The following ATOSB variants were observed in gnomAD, a reference collection of about 807,000 sequenced individuals.
The protein encoded by ATOSB is atos homolog B.
At chr9:35,108,251 C>T in the ATOSB span, 42,645 of 1,563,436 alleles carry the variant, frequency 0.027, 727 homozygotes, top group Non-Finnish European at 0.032. Context: ...AGGATGGAGA[C>T]GGCTCCGCCT....
At chr9:35,108,053 C>G in the ATOSB span, 5 of 1,534,622 alleles carry the variant, frequency 3.3e-6, no homozygotes, top group Non-Finnish European at 4.4e-6. Context: ...CCCGGGGACC[C>G]TCAGTGGATG....
At chr9:35,106,630 T>C in the ATOSB span, 2 of 1,553,280 alleles carry the variant, frequency 1.3e-6, no homozygotes, top group Non-Finnish European at 1.7e-6. This position sits in a 1 kb window ranked among gnomAD's most constrained non-coding sequence, Gnocchi z 4.6. Flanking sequence ...TTCCGGAGGC[T>C]TCGAAGGGGG....
the ATOSB span, chr9:35,107,882 A>G: frequency 1.3e-6 from 2 of 1,593,884 alleles, no homozygotes; most frequent in Admixed American, 1.8e-5. Context: ...ATGAGGTGAC[A>G]CTACTTCTCT....
the ATOSB span, chr9:35,105,861 G>C: frequency 6.2e-7 from 1 of 1,614,114 alleles, no homozygotes; most frequent in Non-Finnish European, 8.5e-7. The surrounding 1 kb of genome is among the most constrained non-coding windows in gnomAD (Gnocchi z 5.5). Flanking sequence ...ATAAGGTCTA[G>C]GGACAGGACA....
the ATOSB span, among the ~76,000 whole-genome samples, chr9:35,114,780 T>C: frequency 1.3e-5 from 2 of 152,200 alleles, no homozygotes; most frequent in African/African-American, 4.8e-5. Flanking sequence ...GCCCTAGCGT[T>C]CCCTACCCAG....
chr9:35,106,056 C>T, the ATOSB span: 1 of 1,583,640 alleles, frequency 6.3e-7, no homozygotes, highest in Middle Eastern at 1.7e-4. This position sits in a 1 kb window ranked among gnomAD's most constrained non-coding sequence, Gnocchi z 4.6. Flanking sequence ...TAGGAAAACC[C>T]TGGGCCCTAA....
chr9:35,106,665 AG>A, the ATOSB span: 1 of 1,530,496 alleles, frequency 6.5e-7, no homozygotes, highest in Admixed American at 2.0e-5. This position sits in a 1 kb window ranked among gnomAD's most constrained non-coding sequence, Gnocchi z 4.6. Flanking sequence ...AGGGAAACAC[AG>A]GGGGTTGGCT....
At chr9:35,110,869 G>A in the ATOSB span, 4 of 152,222 alleles carry the variant, frequency 2.6e-5, no homozygotes, top group Non-Finnish European at 2.9e-5. Flanking sequence ...AGAGTGACAG[G>A]ATGAATTCCT....
At chr9:35,106,494 C>A in the ATOSB span, 10 of 1,602,678 alleles carry the variant, frequency 6.2e-6, no homozygotes, top group Middle Eastern at 6.6e-4. The surrounding 1 kb of genome is among the most constrained non-coding windows in gnomAD (Gnocchi z 4.6). Context: ...CACCATCCCA[C>A]CTCTCCCAGG....
At chr9:35,105,154 T>C in the ATOSB span, 4 of 1,515,612 alleles carry the variant, frequency 2.6e-6, no homozygotes, top group East Asian at 9.2e-5. This position sits in a 1 kb window ranked among gnomAD's most constrained non-coding sequence, Gnocchi z 5.5. Flanking sequence ...TGTCTCTCCA[T>C]ATATGTTCTC....
At chr9:35,107,564 G>A in the ATOSB span, 12 of 1,589,892 alleles carry the variant, frequency 7.5e-6, no homozygotes, top group South Asian at 1.0e-4. Flanking sequence ...TGGTGGGGCA[G>A]GGGCCTGGGG....
the ATOSB span, chr9:35,106,162 ATAAG>A: frequency 6.4e-7 from 1 of 1,563,958 alleles, no homozygotes; most frequent in Non-Finnish European, 8.7e-7. The surrounding 1 kb of genome is among the most constrained non-coding windows in gnomAD (Gnocchi z 4.6). Context: ...TAGGTGAGGA[ATAAG>A]TAAGAAATAC....
the ATOSB span, among the ~76,000 whole-genome samples, chr9:35,114,617 A>C: frequency 2.0e-5 from 3 of 152,026 alleles, no homozygotes; most frequent in Admixed American, 6.5e-5. Flanking sequence ...TAGTGCTTCC[A>C]AGCCTGGAGT....
the ATOSB span, chr9:35,107,726 C>A: frequency 6.3e-7 from 1 of 1,595,738 alleles, no homozygotes; most frequent in Admixed American, 1.8e-5. Flanking sequence ...CAAGTGTGTG[C>A]AGCTGGCCTG....
chr9:35,105,357 G>A, the ATOSB span: 2 of 1,612,442 alleles, frequency 1.2e-6, no homozygotes, highest in Non-Finnish European at 1.7e-6. This position sits in a 1 kb window ranked among gnomAD's most constrained non-coding sequence, Gnocchi z 5.5. Flanking sequence ...TAAGCGGCCT[G>A]AGCGGGAGCT....
the ATOSB span, chr9:35,108,195 GCCC>G: frequency 1.1e-5 from 18 of 1,596,624 alleles, no homozygotes; most frequent in Non-Finnish European, 1.5e-5. Flanking sequence ...ACCCTGGAGG[GCCC>G]CCTGCCTGAC....
the ATOSB span, chr9:35,106,065 A>G: frequency 6.4e-7 from 1 of 1,567,040 alleles, no homozygotes; most frequent in Non-Finnish European, 8.7e-7. The surrounding 1 kb of genome is among the most constrained non-coding windows in gnomAD (Gnocchi z 4.6). Flanking sequence ...CCTGGGCCCT[A>G]AACACATGTC....
chr9:35,110,475 C>T, the ATOSB span: 1 of 136,530 alleles, frequency 7.3e-6, no homozygotes, highest in African/African-American at 2.6e-5. Context: ...TCAGTTCCCA[C>T]CCTGTCAACA....
chr9:35,113,532 G>A, the ATOSB span, among the ~76,000 whole-genome samples: 2 of 152,108 alleles, frequency 1.3e-5, no homozygotes, highest in Non-Finnish European at 2.9e-5. Context: ...GCTGAGGCAG[G>A]AGAATCACTT....
Sources: gnomAD v4.1 joint callset for allele counts (sites outside exome capture counted in the v4.1 genomes callset) on GRCh38, gnomAD v4.1.1 for gene constraint, Gnocchi (gnomAD v3.1) non-coding constraint, MANE v1.5 for transcripts, NCBI Gene and HGNC (gene_info 2026-07-23, HGNC 2026-07-21) for gene names.